The following ELMO1 variants were observed in gnomAD, a reference collection of about 807,000 sequenced individuals.
ELMO1 encodes engulfment and cell motility 1, also known as engulfment and cell motility protein 1.
In ELMO1, 26 loss-of-function variants were observed where a neutral mutation model predicts 98.9. That is an observed-to-expected ratio of 0.26 (90% CI 0.19 to 0.36). The LOEUF is 0.36. Ranked by LOEUF, ELMO1 falls within the 10% of genes least tolerant of loss-of-function variation. The pLI is 1.00. For synonymous variants in ELMO1, 346 were observed against 346.0 expected (o/e 1.00, Z 0.00); for missense variants, 627 against 935.2 (o/e 0.67, Z 4.30).
intron 15 of ELMO1, among the ~76,000 whole-genome samples, chr7:37,055,276 C>T (rs1339749206): frequency 1.3e-5 from 2 of 152,192 alleles, no homozygotes; most frequent in East Asian, 3.9e-4. Context: ...AGAACATACG[C>T]TTTAAAGATT....
chr7:37,345,887 G>A, intron 1 of ELMO1, among the ~76,000 whole-genome samples: 1 of 142,018 alleles, frequency 7.0e-6, no homozygotes, highest in Admixed American at 6.9e-5. Context: ...TACTCGGGAG[G>A]CTGAGACAGG....
chr7:37,424,365 T>C (rs10254763), intron 1 of ELMO1, among the ~76,000 whole-genome samples: 23,951 of 152,174 alleles, frequency 0.16, 2,216 homozygotes, highest in South Asian at 0.26. Flanking sequence ...CATCCTTCCA[T>C]GAGTCCTTCT....
Position 37,233,124 on chromosome 7 carries a change from C to T in ELMO1, c.520G>A (p.Asp174Asn). 1.2e-6 allele frequency: 2 copies of T among 1,613,718 alleles called. No individual in the cohort carries two copies. Among genetic ancestry groups the T allele is most frequent in the South Asian group, 2.2e-5 (2 of 91,056 alleles). Residue 174 changes from aspartate to asparagine, a missense_variant, in exon 8 of 22, where the codon GAT (aspartate) becomes AAT (asparagine). This residue lies in a region of ELMO1 where 492 missense variants were observed against 715.6 expected (regional missense o/e 0.69). Transcript: ENST00000310758. Reference protein sequence around the residue: ...ELMDHGIVSWDTFSVAFIKKI... With the variant: ...ELMDHGIVSWNTFSVAFIKKI... ...TTAATGAACGCCACCGAAAATGTAT[C>T]CCAGGACACTATGCCATGGTCCATC... is the stretch of plus-strand genomic sequence containing the variant.
intron 16 of ELMO1, among the ~76,000 whole-genome samples, chr7:36,968,108 CAG>C (rs1584451952): frequency 2.6e-5 from 4 of 152,198 alleles, no homozygotes; most frequent in Middle Eastern, 3.4e-3. Context: ...CATTGTGGTG[CAG>C]AGTCTTCCAG....
chr7:37,132,950 T>A, intron 14 of ELMO1, 180 bp downstream of exon 14: 1 of 413,372 alleles, frequency 2.4e-6, no homozygotes, highest in Non-Finnish European at 4.2e-6. Context: ...AAAGTTAAAA[T>A]CCTCATTTCA....
chr7:36,886,543 G>C (rs1805026175), intron 18 of ELMO1, among the ~76,000 whole-genome samples: 1 of 152,172 alleles, frequency 6.6e-6, no homozygotes, highest in Admixed American at 6.6e-5. Flanking sequence ...GGCCATAACT[G>C]GTGTTCTTAG....
chr7:37,265,240 G>A (rs1317397515), intron 5 of ELMO1, among the ~76,000 whole-genome samples: 2 of 152,022 alleles, frequency 1.3e-5, no homozygotes, highest in Non-Finnish European at 2.9e-5. Context: ...TTTCCTATCA[G>A]AAGTCAGCTC....
chr7:37,317,033 C>T (rs1390345232), intron 2 of ELMO1, among the ~76,000 whole-genome samples: 1 of 152,046 alleles, frequency 6.6e-6, no homozygotes, highest in Admixed American at 6.5e-5. Context: ...CTACCTACCC[C>T]TCAGGCTGTT....
At chr7:37,402,043 G>A (rs994995987) in intron 1 of ELMO1, among the ~76,000 whole-genome samples, 1 of 152,100 alleles carries the variant, frequency 6.6e-6, no homozygotes. Flanking sequence ...GCTTCTTCAG[G>A]TCTTTCGTTC....
intron 15 of ELMO1, among the ~76,000 whole-genome samples, chr7:37,042,123 A>G (rs1795547639): frequency 8.6e-6 from 1 of 115,644 alleles, no homozygotes; most frequent in Non-Finnish European, 1.8e-5. Flanking sequence ...GTCTCTACGA[A>G]AAAAAAAAAA....
At chr7:37,229,647 A>T (rs1232407809) in intron 8 of ELMO1, among the ~76,000 whole-genome samples, 2 of 152,208 alleles carry the variant, frequency 1.3e-5, no homozygotes, top group Non-Finnish European at 2.9e-5. Context: ...AGTTGCCTGC[A>T]TACAATTCCT....
chr7:36,937,635 T>C (rs1238150407), intron 16 of ELMO1, among the ~76,000 whole-genome samples: 1 of 152,242 alleles, frequency 6.6e-6, no homozygotes. Context: ...ACCAGACATT[T>C]AAAATCCCTT....
At chr7:37,232,073 G>C (rs1485438242) in intron 8 of ELMO1, among the ~76,000 whole-genome samples, 2 of 152,082 alleles carry the variant, frequency 1.3e-5, no homozygotes, top group African/African-American at 4.8e-5. Context: ...AGCTGGTCTT[G>C]AACTCCTGAC....
At chr7:37,388,136 C>CTGTGG (rs1297072840) in intron 1 of ELMO1, among the ~76,000 whole-genome samples, 20 of 152,300 alleles carry the variant, frequency 1.3e-4, no homozygotes, top group African/African-American at 4.3e-4. Context: ...CATCTAGTAA[C>CTGTGG]AATCTGTGGA....
chr7:36,913,335 T>C (rs1355010429), intron 16 of ELMO1, among the ~76,000 whole-genome samples: 1 of 152,078 alleles, frequency 6.6e-6, no homozygotes, highest in Non-Finnish European at 1.5e-5. Context: ...GTCAACAAGG[T>C]TAGATGGGGG....
chr7:37,227,113 G>C (rs1793914387), intron 8 of ELMO1, among the ~76,000 whole-genome samples: 1 of 152,140 alleles, frequency 6.6e-6, no homozygotes, highest in African/African-American at 2.4e-5. Context: ...CATAATCACT[G>C]GTGATTCATA....
chr7:37,172,049 A>G (rs1437037803), intron 13 of ELMO1, among the ~76,000 whole-genome samples: 2 of 152,246 alleles, frequency 1.3e-5, no homozygotes, highest in African/African-American at 4.8e-5. Context: ...TTTAAAAGAT[A>G]CAAGCTGGAC....
chr7:37,261,712 C>T (rs143009502), intron 5 of ELMO1, among the ~76,000 whole-genome samples: 5,324 of 152,282 alleles, frequency 0.035, 156 homozygotes, highest in Middle Eastern at 0.082. Context: ...AAGCGATTCT[C>T]CTGTCTCAGC....
intron 2 of ELMO1, among the ~76,000 whole-genome samples, chr7:37,325,840 C>T (rs919918057): frequency 5.3e-5 from 8 of 152,210 alleles, no homozygotes; most frequent in Admixed American, 3.3e-4. Context: ...TTGACTACAA[C>T]GTGTACAATG....
Sources: allele counts gnomAD v4.1 joint callset (sites outside exome capture counted in the v4.1 genomes callset), GRCh38; gene constraint gnomAD v4.1.1; regional missense constraint gnomAD v4.1.1; transcripts MANE v1.5; gene names NCBI Gene and HGNC (gene_info 2026-07-23, HGNC 2026-07-21).